Variants in RNGTT observed in about 807,000 individuals in gnomAD.
The protein encoded by RNGTT is mRNA-capping enzyme.
Under a neutral mutation model 79.3 loss-of-function variants are expected in RNGTT, and 33 were observed. The ratio of observed to expected loss-of-function variants is 0.42; its 90% confidence interval spans 0.32 to 0.56. RNGTT has a LOEUF of 0.56. RNGTT is among the 20% of genes least tolerant of loss of function. RNGTT has a pLI of 0.17. For missense variants in RNGTT, 497 were observed against 739.1 expected (o/e 0.67, Z 3.80); for synonymous variants, 222 against 235.9 (o/e 0.94, Z 0.54).
At chr6:88,704,259 CAAAAAAAAAA>C (rs35623392) in intron 13 of RNGTT, among the ~76,000 whole-genome samples, 8,266 of 48,742 alleles carry the variant, frequency 0.17, 343 homozygotes, top group East Asian at 0.22. Context: ...GACTCTGTCT[CAAAAAAAAAA>C]AAAAAAAAAA....
intron 14 of RNGTT, among the ~76,000 whole-genome samples, chr6:88,667,340 C>T (rs1402792804): frequency 6.6e-6 from 1 of 152,132 alleles, no homozygotes; most frequent in Non-Finnish European, 1.5e-5. Context: ...CCATCTAGGC[C>T]AAGAGTCACT....
In RNGTT at chr6:88,838,520, G is replaced by A. The variant is rs143580307; in HGVS notation, c.1269+5837C>T. Among the ~76,000 whole-genome samples the A allele has an allele frequency of 4.6e-3, 693 of 152,070 alleles. 4 individuals are homozygous for A. The highest frequency in any genetic ancestry group is 0.015 in the African/African-American group (637 of 41,504). On this transcript the variant is annotated intron_variant, in intron 11 of 15. Transcript: ENST00000369485. Reference sequence around the variant, plus strand: ...ACGGAAATTTTACAAAGACTTTTATGACAATATCAAAAAGTATGAAATAAA... The same window carrying A: ...ACGGAAATTTTACAAAGACTTTTATAACAATATCAAAAAGTATGAAATAAA...
Position 88,843,916 on chromosome 6 carries a change from A to ATG in RNGTT, c.1269+439_1269+440dup, listed in dbSNP as rs554700222. Among the ~76,000 whole-genome samples, 89 of 149,982 alleles carry ATG rather than the reference A, an allele frequency of 5.9e-4. No individual in the cohort carries two copies. In the South Asian group the frequency reaches 9.8e-3, roughly 16 times the overall value. ...AATACTAAAAGAAAACCTTCAATGT[A>ATG]TGTGTGTGTGTATATATATCTATAT... On this transcript the variant is annotated intron_variant, in intron 11 of 15. Transcript: ENST00000369485.
chr6:88,820,179 C>T (rs1780452725), intron 11 of RNGTT, among the ~76,000 whole-genome samples: 1 of 152,004 alleles, frequency 6.6e-6, no homozygotes, highest in Non-Finnish European at 1.5e-5. Context: ...GTGAAAAAGT[C>T]TAATTTTAAC....
intron 14 of RNGTT, among the ~76,000 whole-genome samples, chr6:88,629,213 G>A (rs1031443076): frequency 6.6e-6 from 1 of 152,026 alleles, no homozygotes; most frequent in Non-Finnish European, 1.5e-5. Context: ...AGTGCAATTC[G>A]GTTGAGTAAT....
intron 12 of RNGTT, among the ~76,000 whole-genome samples, chr6:88,776,397 G>T (rs993990662): frequency 6.7e-6 from 1 of 149,034 alleles, no homozygotes; most frequent in Non-Finnish European, 1.5e-5. Context: ...TCAGCTCACC[G>T]CAACCTCCGC....
At position 88,730,494 on chromosome 6, in the gene RNGTT, T is replaced by C. The variant is rs539734068; in HGVS notation, c.1439+39280A>G. 2.0e-5 allele frequency among the ~76,000 whole-genome samples: 3 copies of C among 152,336 alleles called. No individual in the cohort carries two copies. The South Asian group carries it at 6.2e-4, about 32-fold the overall frequency. On this transcript the variant is annotated intron_variant, in intron 13 of 15. Coordinates refer to ENST00000369485, the MANE Select transcript of RNGTT (RefSeq NM_003800.5). Reference sequence around the variant, plus strand: ...CCATCTGTAAGGGCGCACCCTTCTATAGAAGTACCTTGCCTTGCTCAGAAT... The same window carrying C: ...CCATCTGTAAGGGCGCACCCTTCTACAGAAGTACCTTGCCTTGCTCAGAAT...
rs183539221 is a variant in RNGTT at position 88,814,576 on chromosome 6, G to C, written c.1270-12944C>G. Among the ~76,000 whole-genome samples, 184 of 152,178 alleles carry C rather than the reference G, an allele frequency of 1.2e-3. 1 individual carries two copies. Among genetic ancestry groups the C allele is most frequent in the African/African-American group, 4.3e-3 (179 of 41,526 alleles). ...TAAACCTTTGTTCATGCTATACTCT[G>C]TATCCAGATTGCAGCTGACAAGAAA... On this transcript the variant is annotated intron_variant, in intron 11 of 15. Coordinates refer to ENST00000369485, the MANE Select transcript of RNGTT (RefSeq NM_003800.5).
intron 14 of RNGTT, among the ~76,000 whole-genome samples, chr6:88,674,381 CCA>C (rs1225799358): frequency 3.3e-5 from 5 of 152,092 alleles, no homozygotes; most frequent in African/African-American, 9.6e-5. Flanking sequence ...AACCCCATCT[CCA>C]CAAAAAATTA....
intron 13 of RNGTT, among the ~76,000 whole-genome samples, chr6:88,701,506 C>T (rs569850709): frequency 1.3e-5 from 2 of 150,804 alleles, no homozygotes; most frequent in East Asian, 3.9e-4. Flanking sequence ...TAAATTAGTA[C>T]TGATAATTAC....
At chr6:88,656,550 A>G (rs1773985261) in intron 14 of RNGTT, among the ~76,000 whole-genome samples, 1 of 152,100 alleles carries the variant, frequency 6.6e-6, no homozygotes, top group African/African-American at 2.4e-5. Context: ...TATGGTTCAC[A>G]ATTTGGGGTC....
chr6:88,644,987 TG>T, intron 14 of RNGTT, among the ~76,000 whole-genome samples: 1 of 152,162 alleles, frequency 6.6e-6, no homozygotes, highest in Admixed American at 6.5e-5. Context: ...AACATAGTGT[TG>T]GAAGTTCTGG....
intron 14 of RNGTT, among the ~76,000 whole-genome samples, chr6:88,647,861 T>C (rs572613890): frequency 4.6e-5 from 7 of 151,874 alleles, no homozygotes; most frequent in East Asian, 1.9e-4. Context: ...TCTAACAGAC[T>C]TAGGCTTGAT....
chr6:88,909,955 G>GA (rs1336395293), intron 4 of RNGTT, among the ~76,000 whole-genome samples: 3 of 149,308 alleles, frequency 2.0e-5, no homozygotes, highest in Non-Finnish European at 4.4e-5. Context: ...ACTCTCAAGG[G>GA]AAAAAAGAAT....
chr6:88,700,879 T>A (rs929102597), intron 13 of RNGTT, among the ~76,000 whole-genome samples: 28 of 152,168 alleles, frequency 1.8e-4, no homozygotes, highest in African/African-American at 6.5e-4. Flanking sequence ...TTACTTGATG[T>A]TTAAATTAGT....
intron 12 of RNGTT, among the ~76,000 whole-genome samples, chr6:88,798,260 C>A (rs1779666446): frequency 6.6e-6 from 1 of 151,964 alleles, no homozygotes; most frequent in Non-Finnish European, 1.5e-5. Flanking sequence ...AGCTCAGGAG[C>A]TTTAGACCAG....
At chr6:88,885,520 G>GTTCTTCC (rs1418257339) in intron 8 of RNGTT, among the ~76,000 whole-genome samples, 2 of 151,938 alleles carry the variant, frequency 1.3e-5, no homozygotes, top group East Asian at 3.9e-4. Context: ...AGAAGGGAAA[G>GTTCTTCC]TTCTTCCTAA....
At chr6:88,705,679 T>C (rs1776106532) in intron 13 of RNGTT, among the ~76,000 whole-genome samples, 1 of 152,158 alleles carries the variant, frequency 6.6e-6, no homozygotes, top group Non-Finnish European at 1.5e-5. Flanking sequence ...TAGCTGGTAC[T>C]AACACATCTG....
At chr6:88,675,813 G>T (rs529792481) in intron 14 of RNGTT, among the ~76,000 whole-genome samples, 243 of 151,326 alleles carry the variant, frequency 1.6e-3, no homozygotes, top group Non-Finnish European at 3.1e-3. Context: ...AAATTTAAAA[G>T]AAAACTTTTA....
Sources: allele counts gnomAD v4.1 joint callset (sites outside exome capture counted in the v4.1 genomes callset), GRCh38; gene constraint gnomAD v4.1.1; transcripts MANE v1.5; gene names NCBI Gene and HGNC (gene_info 2026-07-23, HGNC 2026-07-21).